The following B3GALT1 variants were observed in gnomAD, a reference collection of about 807,000 sequenced individuals.
B3GALT1 encodes UDP-Gal:betaGlcNAc beta 1,3-galactosyltransferase, polypeptide 1.
B3GALT1 carries 10 observed loss-of-function variants against 23.2 expected under a neutral mutation model. The ratio of observed to expected loss-of-function variants is 0.43; its 90% CI spans 0.27 to 0.73. The LOEUF is 0.73. Ranked by LOEUF, B3GALT1 falls within the 30% of genes least tolerant of loss-of-function variation. B3GALT1 has a pLI of 0.21. For synonymous variants in B3GALT1, 156 were observed against 141.5 expected, an observed-to-expected ratio of 1.10 and a Z score of -0.73; for missense variants, 299 against 405.4, an observed-to-expected ratio of 0.74 and a Z score of 2.25.
chr2:167,566,563 CAAAATAAAA>C (rs1684174141), intron 2 of B3GALT1, among the ~76,000 whole-genome samples: 2 of 146,530 alleles, frequency 1.4e-5, no homozygotes, highest in South Asian at 2.2e-4. Context: ...AAAAAAAAGA[CAAAATAAAA>C]AAGAATAACG....
At chr2:167,731,847 G>A (rs1400472440) in intron 3 of B3GALT1, among the ~76,000 whole-genome samples, 4 of 152,156 alleles carry the variant, frequency 2.6e-5, no homozygotes, top group Admixed American at 6.6e-5. Flanking sequence ...GTACACTTAA[G>A]GAGATTTGTT....
rs1687427881 is a variant in B3GALT1, at chr2:167,732,719, T to A, written c.-352+85753T>A. On this transcript the variant is annotated intron_variant, in intron 3 of 4. Transcript: ENST00000392690. The stretch of plus-strand genomic sequence containing the variant: ...TGTGTAAGCAAAGTAAAATGTTCTT[T>A]AATGAAAGGTATTTCTCTTATACAT... Among the ~76,000 whole-genome samples, 3 of 152,242 alleles carry A rather than the reference T, an allele frequency of 2.0e-5. No homozygotes were observed. The South Asian group carries it at 6.2e-4, about 31-fold the overall frequency.
At chr2:167,637,331 T>A (rs1200653744) in intron 2 of B3GALT1, among the ~76,000 whole-genome samples, 1 of 152,016 alleles carries the variant, frequency 6.6e-6, no homozygotes, top group Non-Finnish European at 1.5e-5. Flanking sequence ...ACCGTTATAC[T>A]AATGCCCAGA....
chr2:167,603,286 G>A (rs1408396761), intron 2 of B3GALT1, among the ~76,000 whole-genome samples: 7 of 152,248 alleles, frequency 4.6e-5, no homozygotes, highest in African/African-American at 1.7e-4. Context: ...TGCAGTGGAA[G>A]GACCCAGGCG....
At chr2:167,795,164 A>C (rs1688523995) in intron 3 of B3GALT1, among the ~76,000 whole-genome samples, 1 of 152,166 alleles carries the variant, frequency 6.6e-6, no homozygotes, top group Non-Finnish European at 1.5e-5. Context: ...TTATTATTTC[A>C]ATTAAAGTTC....
chr2:167,866,370 A>G (rs1005289497), intron 4 of B3GALT1, among the ~76,000 whole-genome samples: 4 of 152,092 alleles, frequency 2.6e-5, no homozygotes. Flanking sequence ...CATTTTATCC[A>G]TTTACTTGAA....
chr2:167,626,790 C>T (rs757627571), intron 2 of B3GALT1, among the ~76,000 whole-genome samples: 1 of 151,662 alleles, frequency 6.6e-6, no homozygotes, highest in Non-Finnish European at 1.5e-5. Flanking sequence ...CAACCAAATA[C>T]ATATAGTAAA....
intron 3 of B3GALT1, among the ~76,000 whole-genome samples, chr2:167,783,987 G>T (rs1688294349): frequency 6.6e-6 from 1 of 152,140 alleles, no homozygotes; most frequent in African/African-American, 2.4e-5. Context: ...AGCCAGCAGT[G>T]GTGGTTGTAA....
intron 1 of B3GALT1, among the ~76,000 whole-genome samples, chr2:167,339,797 A>G (rs1697119171): frequency 6.6e-6 from 1 of 152,214 alleles, no homozygotes; most frequent in Non-Finnish European, 1.5e-5. Context: ...TTACAAAAAT[A>G]GCAAGCAGAA....
At chr2:167,731,381 A>G (rs893435534) in intron 3 of B3GALT1, among the ~76,000 whole-genome samples, 2 of 152,140 alleles carry the variant, frequency 1.3e-5, no homozygotes, top group Non-Finnish European at 2.9e-5. Context: ...TTCTCTGCAC[A>G]CTTAGTTTTA....
At chr2:167,578,888 A>G (rs967193959) in intron 2 of B3GALT1, among the ~76,000 whole-genome samples, 4 of 152,038 alleles carry the variant, frequency 2.6e-5, no homozygotes, top group Non-Finnish European at 5.9e-5. Flanking sequence ...TTTCCTTGCA[A>G]AATTCTAATA....
intron 3 of B3GALT1, among the ~76,000 whole-genome samples, chr2:167,652,685 A>G (rs1249061233): frequency 6.6e-6 from 1 of 152,070 alleles, no homozygotes; most frequent in Admixed American, 6.6e-5. Flanking sequence ...ATTAATATTT[A>G]TCTGTGTACT....
At chr2:167,311,467 T>TG (rs1437199552) in intron 1 of B3GALT1, among the ~76,000 whole-genome samples, 1 of 152,070 alleles carries the variant, frequency 6.6e-6, no homozygotes, top group Non-Finnish European at 1.5e-5. Context: ...TTTTTATTCT[T>TG]GCATCTCTTT....
chr2:167,490,963 A>C (rs1243315865), intron 2 of B3GALT1, among the ~76,000 whole-genome samples: 2 of 152,114 alleles, frequency 1.3e-5, no homozygotes, highest in African/African-American at 4.8e-5. Flanking sequence ...CCGTTAACAA[A>C]ATGATAAAGA....
At position 167,459,594 on chromosome 2, in the gene B3GALT1, C is replaced by G. The variant is rs917091680; in HGVS notation, c.-510-30583C>G. ...GGACTAATAATTTTTTTCAAACGTA[C>G]TTGTCTCTTAGGTCATGTGGAGAAC... On this transcript the variant is annotated intron_variant, in intron 1 of 4. Transcript: ENST00000392690. 3.3e-5 allele frequency among the ~76,000 whole-genome samples: 5 copies of G among 152,054 alleles called. No homozygotes were observed. The East Asian group carries it at 5.8e-4, about 18-fold the overall frequency.
chr2:167,794,384 A>G (rs576644394), intron 3 of B3GALT1, among the ~76,000 whole-genome samples: 1 of 152,368 alleles, frequency 6.6e-6, no homozygotes, highest in East Asian at 1.9e-4. Flanking sequence ...GTAAAAGAAT[A>G]AAATTCTTTC....
At chr2:167,389,785 G>T (rs546769153) in intron 1 of B3GALT1, among the ~76,000 whole-genome samples, 1 of 152,046 alleles carries the variant, frequency 6.6e-6, no homozygotes, top group South Asian at 2.1e-4. Flanking sequence ...GGTGTCTCAT[G>T]CCTATAGTCC....
chr2:167,458,311 G>C (rs1200931680), intron 1 of B3GALT1, among the ~76,000 whole-genome samples: 1 of 152,190 alleles, frequency 6.6e-6, no homozygotes, highest in Non-Finnish European at 1.5e-5. Context: ...GGCTAAATAA[G>C]ATTCCAGTGT....
At chr2:167,521,933 T>C (rs1001452742) in intron 2 of B3GALT1, among the ~76,000 whole-genome samples, 2 of 146,074 alleles carry the variant, frequency 1.4e-5, no homozygotes, top group South Asian at 4.3e-4. Context: ...TATTAACTTT[T>C]TATAAATTAA....
Sources: allele counts gnomAD v4.1 joint callset (sites outside exome capture counted in the v4.1 genomes callset), GRCh38; gene constraint gnomAD v4.1.1; transcripts MANE v1.5; gene names NCBI Gene and HGNC (gene_info 2026-07-23, HGNC 2026-07-21).